AHI1: variants seen among roughly 807,000 people sequenced by gnomAD.
AHI1 encodes Abelson helper integration site 1.
In AHI1, 123 loss-of-function variants were observed where a neutral mutation model predicts 149.3. That is an observed-to-expected ratio of 0.82 (90% CI 0.71 to 0.96). AHI1 has a LOEUF of 0.96. AHI1 is among the 40% of genes least tolerant of loss of function. AHI1 has a pLI of 0.00. For missense variants in AHI1, 1,439 were observed against 1,422.7 expected (o/e 1.01, Z -0.18); for synonymous variants, 475 against 459.8 (o/e 1.03, Z -0.42).
intron 5 of AHI1, among the ~76,000 whole-genome samples, chr6:135,478,780 A>G (rs2128118435): frequency 6.6e-6 from 1 of 152,374 alleles, no homozygotes; most frequent in East Asian, 1.9e-4. Context: ...AGACCTCCAC[A>G]GCAGCCCTTC....
chr6:135,298,419 A>G (rs1783433208), intron 27 of AHI1, among the ~76,000 whole-genome samples: 1 of 152,162 alleles, frequency 6.6e-6, no homozygotes, highest in African/African-American at 2.4e-5. Flanking sequence ...ATATTGGTCA[A>G]CCAACTAATA....
At chr6:135,396,047 A>G (rs1779168326) in intron 22 of AHI1, among the ~76,000 whole-genome samples, 2 of 151,766 alleles carry the variant, frequency 1.3e-5, no homozygotes, top group Admixed American at 1.3e-4. Flanking sequence ...AATAAACAGT[A>G]TATCTTAGTT....
intron 3 of AHI1, among the ~76,000 whole-genome samples, chr6:135,494,133 C>T (rs1795644883): frequency 6.6e-6 from 1 of 152,224 alleles, no homozygotes; most frequent in Admixed American, 6.5e-5. Context: ...AGTATCATTA[C>T]ACTGTAATAT....
intron 19 of AHI1, among the ~76,000 whole-genome samples, chr6:135,427,903 A>G (rs1784124716): frequency 6.6e-6 from 1 of 151,516 alleles, no homozygotes; most frequent in African/African-American, 2.4e-5. Context: ...GTTGCTACTG[A>G]ATTGATGCTA....
At position 135,456,021 on chromosome 6, in the gene AHI1, T is replaced by C. The variant is rs902464331; in HGVS notation, c.1152-95A>G. The C allele has an allele frequency of 1.4e-5, 11 of 774,240 alleles. No individual in the cohort carries two copies. The East Asian group carries it at 2.8e-4, about 20-fold the overall frequency. 48.0% of individuals were successfully genotyped at this position (774,240 alleles called of 1,614,324 possible). ...TACAAGGTGAGGCAACCAGAAATAA[T>C]GAATAGTCATAATAATACAAAAGGA... On this transcript the variant is annotated intron_variant, in intron 9 of 28. Transcript: ENST00000265602.
At chr6:135,462,391 T>G (rs13202279) in intron 8 of AHI1, among the ~76,000 whole-genome samples, 1 of 151,758 alleles carries the variant, frequency 6.6e-6, no homozygotes, top group East Asian at 1.9e-4. Flanking sequence ...AGGAAAGAAG[T>G]GGTATTAGGC....
Position 135,318,608 on chromosome 6 carries a change from G to A in AHI1, c.3337C>T (p.Gln1113Ter). The change falls in exon 26 of 29, where the codon CAA becomes TAA. Residue 1113 changes from glutamine (Q) to a stop codon, truncating the protein, a stop_gained. Transcript: ENST00000265602. LOFTEE classifies it high-confidence loss of function. ...ANHVASETLYQELPPEIKERS... is the reference protein window; with the variant it reads ...ANHVASETLY ...TCCTTTATCTCAGGAGGCAGTTCTT[G>A]ATACAGTGCTGAAATTGGAAAAAGG... is the stretch of plus-strand genomic sequence containing the variant. 6.3e-7 allele frequency: 1 copy of A among 1,599,980 alleles called. No individual in the cohort carries two copies. Among genetic ancestry groups the A allele is most frequent in the Non-Finnish European group, 8.5e-7 (1 of 1,173,002 alleles).
At chr6:135,390,391 TC>T (rs1477863878) in intron 23 of AHI1, among the ~76,000 whole-genome samples, 1 of 152,122 alleles carries the variant, frequency 6.6e-6, no homozygotes, top group Non-Finnish European at 1.5e-5. Flanking sequence ...CCACACCTTT[TC>T]CAAAGAGTTA....
intron 22 of AHI1, among the ~76,000 whole-genome samples, chr6:135,404,153 T>C (rs765603316): frequency 6.6e-6 from 1 of 152,212 alleles, no homozygotes; most frequent in East Asian, 1.9e-4. Context: ...GTTAAATGAA[T>C]AGACGTCTAA....
intron 21 of AHI1, 53 bp downstream of exon 21, chr6:135,411,295 G>C: frequency 6.7e-7 from 1 of 1,501,344 alleles, no homozygotes; most frequent in Non-Finnish European, 9.2e-7. Flanking sequence ...GCATGGCAAT[G>C]TAAAACAGGA....
At chr6:135,347,866 AG>A (rs1474982676) in intron 24 of AHI1, among the ~76,000 whole-genome samples, 1 of 152,238 alleles carries the variant, frequency 6.6e-6, no homozygotes, top group Non-Finnish European at 1.5e-5. Context: ...CTCCCAGAGA[AG>A]TCTGCATATG....
chr6:135,367,425 TTC>T (rs1774347091), intron 23 of AHI1, among the ~76,000 whole-genome samples: 1 of 152,114 alleles, frequency 6.6e-6, no homozygotes, highest in African/African-American at 2.4e-5. Flanking sequence ...CCAGGGACGT[TTC>T]CCTAGATTAT....
intron 20 of AHI1, 72 bp downstream of exon 20, chr6:135,427,095 G>T: frequency 6.9e-7 from 1 of 1,453,298 alleles, no homozygotes; most frequent in Non-Finnish European, 9.4e-7. Context: ...TTGAATTCCA[G>T]ACAGATTCCT....
chr6:135,485,684 A>G (rs570489187), intron 5 of AHI1, among the ~76,000 whole-genome samples: 2 of 152,030 alleles, frequency 1.3e-5, no homozygotes, highest in Admixed American at 1.3e-4. Flanking sequence ...ATATTTTCTT[A>G]TTGTTTCTAG....
intron 23 of AHI1, among the ~76,000 whole-genome samples, chr6:135,361,629 G>A: frequency 7.2e-6 from 1 of 139,184 alleles, no homozygotes; most frequent in Admixed American, 7.4e-5. Flanking sequence ...TAATCAGGAG[G>A]TACCTAGGTA....
intron 9 of AHI1, among the ~76,000 whole-genome samples, chr6:135,457,113 G>C (rs578110353): frequency 2.6e-5 from 4 of 151,900 alleles, no homozygotes; most frequent in Admixed American, 2.0e-4. Context: ...GCCAAACCCC[G>C]CCTCCACTAA....
chr6:135,355,855 C>T lies in AHI1; in HGVS notation c.3165+2277G>A, dbSNP rs371910386. On this transcript the variant is annotated intron_variant, in intron 24 of 28. Coordinates refer to ENST00000265602, the MANE Select transcript of AHI1 (RefSeq NM_001134831.2). ...CGGACATTGCAGTGAACTGAGATTG[C>T]GCCACGGCACTCCAGCCTGGGCAAC... 9.5e-4 allele frequency among the ~76,000 whole-genome samples: 145 copies of T among 152,204 alleles called. 2 individuals carry two copies. The highest frequency in any genetic ancestry group is 3.1e-3 in the African/African-American group (127 of 41,530).
At chr6:135,421,779 C>A (rs1023241732) in intron 20 of AHI1, among the ~76,000 whole-genome samples, 4 of 152,068 alleles carry the variant, frequency 2.6e-5, no homozygotes, top group Non-Finnish European at 5.9e-5. Context: ...TATCAAAGTA[C>A]CTATTATGTG....
chr6:135,473,166 G>A (rs975430234), intron 5 of AHI1, among the ~76,000 whole-genome samples: 4 of 152,048 alleles, frequency 2.6e-5, no homozygotes, highest in Non-Finnish European at 5.9e-5. Context: ...TATTATATAT[G>A]AATATCTGAT....
Sources: gnomAD v4.1 joint callset for allele counts (sites outside exome capture counted in the v4.1 genomes callset) on GRCh38, gnomAD v4.1.1 for gene constraint, MANE v1.5 for transcripts, NCBI Gene and HGNC (gene_info 2026-07-23, HGNC 2026-07-21) for gene names.